Variants in STARD4 observed in about 807,000 individuals in gnomAD.
The protein encoded by STARD4 is StAR related lipid transfer domain containing 4, also known as stAR-related lipid transfer protein 4.
A neutral mutation model predicts 24.9 loss-of-function variants in STARD4; 33 were observed. The ratio of observed to expected loss-of-function variants is 1.32; its 90% CI spans 1.00 to 1.77. The LOEUF (loss-of-function observed/expected upper bound fraction) is 1.77. STARD4 is among the 40% of genes most tolerant of loss of function. The pLI is 0.00. For missense variants in STARD4, 238 were observed against 249.3 expected, an observed-to-expected ratio of 0.95 and a Z score of 0.31; for synonymous variants, 88 against 77.4, an observed-to-expected ratio of 1.14 and a Z score of -0.72.
rs34159791 is a variant in STARD4 at position 111,505,027 on chromosome 5, C to A, written c.155+1303G>T. 1,095 of 454,852 alleles carry A rather than the reference C, an allele frequency of 2.4e-3. 1 individual carries two copies. The highest frequency in any genetic ancestry group is 3.9e-3 in the Non-Finnish European group (876 of 226,622). The allele number at this position is 454,852 out of a possible 1,614,324, so 28.2% of individuals were successfully genotyped here. A position where few individuals can be genotyped will look rare whatever the true frequency, so the allele number is the denominator to read the frequency against. ...CATCAGGTCCTACCTCTTTTGATCA[C>A]ATATCCCTTTAAGACTCTGAAAAAA... On this transcript the variant is annotated intron_variant, in intron 3 of 5. Transcript: ENST00000296632.
rs1256797544 is a variant in STARD4 at position 111,507,195 on chromosome 5, A to C, written c.105+134T>G. On this transcript the variant is annotated intron_variant, in intron 2 of 5. Coordinates refer to ENST00000296632, the MANE Select transcript of STARD4 (RefSeq NM_139164.3). The surrounding 1 kb of genome is among the most constrained non-coding windows in gnomAD (Gnocchi z 4.4). ...GTGACATTAGACTATCAACTTTATT[A>C]GCTCAATTATTTTTCTTGCATATCC... 4.5e-6 allele frequency: 3 copies of C among 671,120 alleles called. No individual in the cohort carries two copies. The highest frequency in any genetic ancestry group is 2.5e-6 in the Non-Finnish European group (1 of 404,826). The allele number at this position is 671,120 out of a possible 1,614,324, so 41.6% of individuals were successfully genotyped here. A position where few individuals can be genotyped will look rare whatever the true frequency, so the allele number is the denominator to read the frequency against.
Position 111,497,934 on chromosome 5 carries a change from C to T in STARD4, c.*1952G>A, listed in dbSNP as rs1374076390. ...CTTTAGATTTGTGTTAGGTATGAGT[C>T]TGCAAAAAAGACAAAAGGAATCTTT... On this transcript the variant is annotated 3_prime_UTR_variant, in exon 6 of 6. Transcript: ENST00000296632. 2 of 151,978 alleles carry T rather than the reference C, an allele frequency of 1.3e-5. No individual in the cohort carries two copies. The highest frequency in any genetic ancestry group is 4.8e-5 in the African/African-American group (2 of 41,410). 9.4% of individuals were successfully genotyped at this position (151,978 alleles called of 1,614,324 possible). A position where few individuals can be genotyped will look rare whatever the true frequency, so the allele number is the denominator to read the frequency against.
chr5:111,506,498 T>G, intron 2 of STARD4, 119 bp from the exon 3 acceptor site: 1 of 436,448 alleles, frequency 2.3e-6, no homozygotes, highest in Non-Finnish European at 4.1e-6. Context: ...CAGTACATTT[T>G]CAGAATACAT....
Position 111,498,651 on chromosome 5 carries a change from G to C in STARD4, c.*1235C>G, listed in dbSNP as rs889830916. ...TACATTCAATTTAGAAAAGGATCCT[G>C]GTAATTAATAAATCATTAAGAATAT... On this transcript the variant is annotated 3_prime_UTR_variant, in exon 6 of 6. Transcript: ENST00000296632. 6.6e-6 allele frequency: 1 copy of C among 152,002 alleles called. No individual in the cohort carries two copies. Among genetic ancestry groups the C allele is most frequent in the African/African-American group, 2.4e-5 (1 of 41,400 alleles). 9.4% of individuals were successfully genotyped at this position (152,002 alleles called of 1,614,324 possible).
In STARD4 at chr5:111,501,994, T is replaced by A. The variant is rs1756486210; in HGVS notation, c.250A>T (p.Thr84Ser). ...AAGTTCTCCAGAATATCCAAAGAAG[T>A]CATCAAGCTGTCCCAATCCAAACGA... is the stretch of plus-strand genomic sequence containing the variant. ...PCRLDWDSLM[T>S]SLDILENFEE... Residue 84 changes from threonine to serine, a missense_variant, in exon 4 of 6, where the codon ACT (threonine) becomes TCT (serine). Transcript: ENST00000296632. 1 of 1,613,974 alleles carries A rather than the reference T, an allele frequency of 6.2e-7. No homozygotes were observed. Among genetic ancestry groups the A allele is most frequent in the South Asian group, 1.1e-5 (1 of 91,084 alleles).
In STARD4 at chr5:111,512,461, C is replaced by G. The variant is rs1419237669; in HGVS notation, c.-86G>C. ...GCACCTCACACCGCTCTCAACAGTA[C>G]TGCTCAGCCTCCCGGCCCGCCGATG... On this transcript the variant is annotated 5_prime_UTR_variant, in exon 1 of 6. Coordinates refer to ENST00000296632, the MANE Select transcript of STARD4 (RefSeq NM_139164.3). The G allele has an allele frequency of 2.0e-5, 3 of 152,528 alleles. No homozygotes were observed. The highest frequency in any genetic ancestry group is 4.8e-5 in the African/African-American group (2 of 41,478). The allele number at this position is 152,528 out of a possible 1,614,324, so 9.4% of individuals were successfully genotyped here.
rs1756098644 is a variant in STARD4 at position 111,496,412 on chromosome 5, G to A, written c.*3474C>T. On this transcript the variant is annotated 3_prime_UTR_variant, in exon 6 of 6. Transcript: ENST00000296632. ...CAGCAGGCAGGCAACACAGGTTCTA[G>A]GGGAAACCTGATCAAGCCCTTAGCT... The A allele has an allele frequency of 6.6e-6, 1 of 152,016 alleles. No homozygotes were observed. The highest frequency in any genetic ancestry group is 2.1e-4 in the South Asian group (1 of 4,826). 9.4% of individuals were successfully genotyped at this position (152,016 alleles called of 1,614,324 possible). A position where few individuals can be genotyped will look rare whatever the true frequency, so the allele number is the denominator to read the frequency against.
chr5:111,501,456 G>A (rs1756446939), intron 4 of STARD4, among the ~76,000 whole-genome samples: 1 of 152,182 alleles, frequency 6.6e-6, no homozygotes, highest in Non-Finnish European at 1.5e-5. Flanking sequence ...TACTTTGACT[G>A]CAACATCAAA....
At chr5:111,500,199 T>G in intron 5 of STARD4, 93 bp from the exon 6 acceptor site, 4 of 1,399,348 alleles carry the variant, frequency 2.9e-6, no homozygotes, top group Non-Finnish European at 3.7e-6. Context: ...ATTTAAATAT[T>G]TATTATTATC....
intron 5 of STARD4, 36 bp downstream of exon 5, chr5:111,500,966 A>C (rs1376317393): frequency 6.2e-7 from 1 of 1,613,178 alleles, no homozygotes; most frequent in Admixed American, 1.7e-5. Flanking sequence ...TATTTAAACC[A>C]TACTGAAAAA....
rs1310618031 is a variant in STARD4 at position 111,497,733 on chromosome 5, T to C, written c.*2153A>G. On this transcript the variant is annotated 3_prime_UTR_variant, in exon 6 of 6. Transcript: ENST00000296632. Reference sequence around the variant, plus strand: ...TTGCTATAGAAGCAGCGGACTCAATTATTTATGTTAATATCCATCCCAACC... The same window carrying C: ...TTGCTATAGAAGCAGCGGACTCAATCATTTATGTTAATATCCATCCCAACC... 3 of 152,086 alleles carry C rather than the reference T, an allele frequency of 2.0e-5. No homozygotes were observed. Among genetic ancestry groups the C allele is most frequent in the African/African-American group, 7.2e-5 (3 of 41,444 alleles). The allele number at this position is 152,086 out of a possible 1,614,324, so 9.4% of individuals were successfully genotyped here. A position where few individuals can be genotyped will look rare whatever the true frequency, so the allele number is the denominator to read the frequency against.
At position 111,502,025 on chromosome 5, in the gene STARD4, C is replaced by A; in HGVS notation, c.219G>T (p.Gly73=). The change falls in exon 4 of 6, where the codon GGG becomes GGT. Residue 73 remains glycine (G), a synonymous_variant. Coordinates refer to ENST00000296632, the MANE Select transcript of STARD4 (RefSeq NM_139164.3). ...VYSIIDHIRP[G]PCRLDWDSLM... ...AGCTGTCCCAATCCAAACGACAAGG[C>A]CCTGGGCGTATATGGTCTATTATAC... The A allele has an allele frequency of 6.2e-7, 1 of 1,614,124 alleles. No individual in the cohort carries two copies. The highest frequency in any genetic ancestry group is 1.1e-5 in the South Asian group (1 of 91,080).
chr5:111,509,263 GGTT>G (rs972368295), intron 1 of STARD4, among the ~76,000 whole-genome samples: 4 of 152,094 alleles, frequency 2.6e-5, no homozygotes, highest in African/African-American at 9.7e-5. Flanking sequence ...AGGTTCCTGT[GGTT>G]GGCAGATAAG....
Position 111,502,677 on chromosome 5 carries a change from C to T in STARD4, c.156-589G>A, listed in dbSNP as rs538033709. On this transcript the variant is annotated intron_variant, in intron 3 of 5. Coordinates refer to ENST00000296632, the MANE Select transcript of STARD4 (RefSeq NM_139164.3). The stretch of plus-strand genomic sequence containing the variant: ...GCATGGTGGCTCCTGCCAGTAATCC[C>T]AGCTACTTGGGAGGCTGAGGCAGGA... Among the ~76,000 whole-genome samples, 53 of 151,942 alleles carry T rather than the reference C, an allele frequency of 3.5e-4. No individual in the cohort carries two copies. The South Asian group carries it at 3.7e-3, about 11-fold the overall frequency.
rs1001241321 is a variant in STARD4 at position 111,499,664 on chromosome 5, CAGAGTG to C, written c.*216_*221del. ...TACCACTGCCCTCCAGCATGGGCAA[CAGAGTG>C]AGAGCCTGTCTCAAAATTTAAAAAA... On this transcript the variant is annotated 3_prime_UTR_variant, in exon 6 of 6. Coordinates refer to ENST00000296632, the MANE Select transcript of STARD4 (RefSeq NM_139164.3). The C allele has an allele frequency of 1.1e-4, 59 of 526,892 alleles. No individual in the cohort carries two copies. The highest frequency in any genetic ancestry group is 1.1e-3 in the African/African-American group (57 of 52,108). 32.6% of individuals were successfully genotyped at this position (526,892 alleles called of 1,614,324 possible).
intron 5 of STARD4, 125 bp from the exon 6 acceptor site, chr5:111,500,231 C>G: frequency 7.3e-7 from 1 of 1,376,128 alleles, no homozygotes; most frequent in Non-Finnish European, 9.4e-7. Context: ...AAATTAAATC[C>G]CAAAGTGACC....
rs1756085732 is a variant in STARD4 at position 111,496,218 on chromosome 5, G to T, written c.*3668C>A. On this transcript the variant is annotated 3_prime_UTR_variant, in exon 6 of 6. Transcript: ENST00000296632. ...CTATAGCTTTTATTGAACTGCAAGA[G>T]ATGAATTTTAATATTTAACTATACA... is the stretch of plus-strand genomic sequence containing the variant. 6.6e-6 allele frequency: 1 copy of T among 151,950 alleles called. No individual in the cohort carries two copies. Among genetic ancestry groups the T allele is most frequent in the African/African-American group, 2.4e-5 (1 of 41,404 alleles). The allele number at this position is 151,950 out of a possible 1,614,324, so 9.4% of individuals were successfully genotyped here.
chr5:111,499,817 T>C lies in STARD4; in HGVS notation c.*69A>G. 2.1e-6 allele frequency: 3 copies of C among 1,405,438 alleles called. No homozygotes were observed. The South Asian group carries it at 3.8e-5, about 18-fold the overall frequency. The allele number at this position is 1,405,438 out of a possible 1,614,324, so 87.1% of individuals were successfully genotyped here. On this transcript the variant is annotated 3_prime_UTR_variant, in exon 6 of 6. Coordinates refer to ENST00000296632, the MANE Select transcript of STARD4 (RefSeq NM_139164.3). ...CGGCTATGCAGAAAAGTGGAATCAA[T>C]GATTTTTACAGGCCATGTAGCTGAG...
At chr5:111,510,207 C>T (rs1045051881) in intron 1 of STARD4, among the ~76,000 whole-genome samples, 1 of 152,124 alleles carries the variant, frequency 6.6e-6, no homozygotes, top group African/African-American at 2.4e-5. Context: ...GCCATCAAAA[C>T]TGCTACCTCT....
Sources: allele counts gnomAD v4.1 joint callset (sites outside exome capture counted in the v4.1 genomes callset), GRCh38; gene constraint gnomAD v4.1.1; non-coding constraint Gnocchi (gnomAD v3.1); transcripts MANE v1.5; gene names NCBI Gene and HGNC (gene_info 2026-07-23, HGNC 2026-07-21).